The following PNPLA7 variants were observed in gnomAD, a reference collection of about 807,000 sequenced individuals.
PNPLA7 encodes patatin like domain 7, lysophospholipase.
In PNPLA7, 153 loss-of-function variants were observed where a neutral mutation model predicts 161.7. That is an observed-to-expected ratio of 0.95 (90% CI 0.83 to 1.08). The LOEUF is 1.08. Among genes scored for constraint, PNPLA7 ranks in the 50% least tolerant of loss-of-function variants. The probability of loss-of-function intolerance (pLI) is 0.00; values close to 1 mark genes in which losing one functional copy is unlikely to be tolerated. For missense variants in PNPLA7, 1,739 were observed against 1,856.6 expected (o/e 0.94, Z 1.16); for synonymous variants, 809 against 782.1 (o/e 1.03, Z -0.57).
chr9:137,500,621 C>T lies in PNPLA7; in HGVS notation c.1757+70G>A. 3 of 1,453,434 alleles carry T rather than the reference C, an allele frequency of 2.1e-6. No homozygotes were observed. Among genetic ancestry groups the T allele is most frequent in the Non-Finnish European group, 2.8e-6 (3 of 1,055,664 alleles). 90.0% of individuals were successfully genotyped at this position (1,453,434 alleles called of 1,614,324 possible). A position where few individuals can be genotyped will look rare whatever the true frequency, so the allele number is the denominator to read the frequency against. On this transcript the variant is annotated intron_variant, in intron 16 of 34. Transcript: ENST00000406427. The surrounding 1 kb of genome is among the most constrained non-coding windows in gnomAD (Gnocchi z 5.5). Reference sequence around the variant, plus strand: ...GGTGAGAGCACCAGGAAGAGGCCGGCCACGCGGGGAGGGGTCTCAGGGCAG... The same window carrying T: ...GGTGAGAGCACCAGGAAGAGGCCGGTCACGCGGGGAGGGGTCTCAGGGCAG...
In PNPLA7 at chr9:137,503,567, GGAAGGA is replaced by G. The variant is rs1181946486; in HGVS notation, c.1474-1846_1474-1841del. 3.8e-3 allele frequency among the ~76,000 whole-genome samples: 494 copies of G among 129,958 alleles called. 9 individuals carry two copies. Among genetic ancestry groups the G allele is most frequent in the African/African-American group, 7.0e-3 (250 of 35,630 alleles). The allele number at this position is 129,958 out of a possible 152,430, so 85.3% of individuals were successfully genotyped here. A position where few individuals can be genotyped will look rare whatever the true frequency, so the allele number is the denominator to read the frequency against. On this transcript the variant is annotated intron_variant, in intron 14 of 34. Transcript: ENST00000406427. ...GGAGAAGGAGGAGGGAGAAGGAGGA[GGAAGGA>G]GAAGGAGAAGGAGGAGGGAGAAGGA... is the stretch of plus-strand genomic sequence containing the variant.
chr9:137,535,159 A>G (rs374262862), intron 8 of PNPLA7, among the ~76,000 whole-genome samples: 3 of 152,068 alleles, frequency 2.0e-5, no homozygotes, highest in East Asian at 1.9e-4. Flanking sequence ...GCCTCAGGTG[A>G]GTGAAATTAC....
At chr9:137,484,358 A>T (rs946096871) in intron 21 of PNPLA7, among the ~76,000 whole-genome samples, 5 of 152,348 alleles carry the variant, frequency 3.3e-5, no homozygotes, top group Non-Finnish European at 7.3e-5. Flanking sequence ...TGTTGCAAAG[A>T]ATATAGAATA....
Position 137,490,272 on chromosome 9 carries a change from T to G in PNPLA7, c.2197+2741A>C, listed in dbSNP as rs1429315088. ...ACATGCCTGGATCATTTTTCAAATT[T>G]TATTCATAGAGACAGGGTCTCACTA... is the stretch of plus-strand genomic sequence containing the variant. On this transcript the variant is annotated intron_variant, in intron 20 of 34. Transcript: ENST00000406427. This position sits in a 1 kb window ranked among gnomAD's most constrained non-coding sequence, Gnocchi z 4.1. 6.6e-6 allele frequency among the ~76,000 whole-genome samples: 1 copy of G among 152,126 alleles called. No individual in the cohort carries two copies. The highest frequency in any genetic ancestry group is 1.5e-5 in the Non-Finnish European group (1 of 68,010).
intron 4 of PNPLA7, 78 bp downstream of exon 4, chr9:137,546,752 C>T (rs1043462539): frequency 4.4e-6 from 6 of 1,376,126 alleles, no homozygotes; most frequent in Non-Finnish European, 6.2e-6. Context: ...CTGGGGGAGC[C>T]CACAGCAGAA....
chr9:137,522,282 G>A (rs998847111), intron 9 of PNPLA7, among the ~76,000 whole-genome samples: 16 of 149,778 alleles, frequency 1.1e-4, no homozygotes, highest in African/African-American at 2.0e-4. Flanking sequence ...CACCGTGTGA[G>A]CCAGGATGGT....
chr9:137,489,514 C>A (rs1832667455), intron 20 of PNPLA7, among the ~76,000 whole-genome samples: 1 of 152,132 alleles, frequency 6.6e-6, no homozygotes, highest in Non-Finnish European at 1.5e-5. Flanking sequence ...AGGATCTGAA[C>A]CAGAGGAGTA....
intron 14 of PNPLA7, among the ~76,000 whole-genome samples, chr9:137,502,919 G>T (rs1441506745): frequency 6.6e-6 from 1 of 151,828 alleles, no homozygotes; most frequent in Non-Finnish European, 1.5e-5. Flanking sequence ...TATGATGATG[G>T]GATTTGCTTC....
At chr9:137,460,767 C>T (rs772007299) in intron 33 of PNPLA7, 30 bp from the exon 34 acceptor site, 28 of 1,591,190 alleles carry the variant, frequency 1.8e-5, no homozygotes, top group Admixed American at 6.8e-5. Context: ...TGCGTCAGTC[C>T]CCTCCCAAGG....
intron 29 of PNPLA7, 74 bp from the exon 30 acceptor site, chr9:137,462,907 T>G: frequency 6.3e-7 from 1 of 1,579,376 alleles, no homozygotes; most frequent in Non-Finnish European, 8.6e-7. Flanking sequence ...AGCCTGCCTC[T>G]CCGAGCCCTG....
chr9:137,512,950 G>A (rs1257952969), intron 12 of PNPLA7, among the ~76,000 whole-genome samples: 4 of 146,042 alleles, frequency 2.7e-5, no homozygotes, highest in African/African-American at 7.7e-5. Context: ...GCCACAGAAC[G>A]AGCCTCTGTC....
chr9:137,547,590 T>A lies in PNPLA7; in HGVS notation c.100A>T (p.Thr34Ser). The change falls in exon 2 of 35, where the codon ACC becomes TCC. Residue 34 changes from threonine (T) to serine (S), a missense_variant. Coordinates refer to ENST00000406427, the MANE Select transcript of PNPLA7 (RefSeq NM_001098537.3). This position sits in a 1 kb window ranked among gnomAD's most constrained non-coding sequence, Gnocchi z 4.6. ...LWFTEEGSPS[T>S]MLTGIAVGAL... ...GGGAAGCGTGAGGTGATTACCATGG[T>A]GGACGGTGAACCTTCCTCCGTGAAC... is the stretch of plus-strand genomic sequence containing the variant. 1 of 1,613,232 alleles carries A rather than the reference T, an allele frequency of 6.2e-7. No individual in the cohort carries two copies.
Position 137,462,706 on chromosome 9 carries a change from G to A in PNPLA7, c.3471C>T (p.Asn1157=), listed in dbSNP as rs1315838768. The A allele has an allele frequency of 6.2e-7, 1 of 1,613,894 alleles. No individual in the cohort carries two copies. Residue 1157 remains asparagine, a synonymous_variant, in exon 30 of 35, where the codon AAC becomes AAT. Transcript: ENST00000406427. ...CCACCTTGACTTTCGTGGCCAAGGGGTTCCAGCGTTTCCACAGCAGCCACC... is the reference window on the plus strand; with the variant it reads ...CCACCTTGACTTTCGTGGCCAAGGGATTCCAGCGTTTCCACAGCAGCCACC... The part of the protein sequence containing the change: ...SGWWLLWKRW[N]PLATKVKVLN...
intron 8 of PNPLA7, among the ~76,000 whole-genome samples, chr9:137,529,949 G>A (rs1048691802): frequency 1.3e-5 from 2 of 151,244 alleles, no homozygotes; most frequent in Non-Finnish European, 2.9e-5. Flanking sequence ...GTGAGCCACC[G>A]CGCCCAGCCT....
At chr9:137,501,287 C>G (rs1041079762) in intron 15 of PNPLA7, among the ~76,000 whole-genome samples, 2 of 152,196 alleles carry the variant, frequency 1.3e-5, no homozygotes, top group Non-Finnish European at 2.9e-5. Context: ...CACTGAGCCC[C>G]CGGCACACGC....
In PNPLA7 at chr9:137,537,790, G is replaced by A. The variant is rs941828101; in HGVS notation, c.747+2852C>T. On this transcript the variant is annotated intron_variant, in intron 8 of 34. Coordinates refer to ENST00000406427, the MANE Select transcript of PNPLA7 (RefSeq NM_001098537.3). This position sits in a 1 kb window ranked among gnomAD's most constrained non-coding sequence, Gnocchi z 4.5. ...AACAGGCATGGCTGCACTGTGATAA[G>A]TGAGGCCCAACCTGAATATCACAAC... is the stretch of plus-strand genomic sequence containing the variant. Among the ~76,000 whole-genome samples the A allele has an allele frequency of 4.6e-5, 7 of 152,180 alleles. No individual in the cohort carries two copies. The highest frequency in any genetic ancestry group is 2.0e-4 in the Admixed American group (3 of 15,286).
At chr9:137,469,205 A>G (rs372695409) in intron 25 of PNPLA7, among the ~76,000 whole-genome samples, 1 of 152,348 alleles carries the variant, frequency 6.6e-6, no homozygotes, top group Non-Finnish European at 1.5e-5. Flanking sequence ...AGCTGAAGAG[A>G]GAAATGGTAA....
chr9:137,544,755 T>G (rs1296247948), intron 4 of PNPLA7, among the ~76,000 whole-genome samples: 2 of 152,146 alleles, frequency 1.3e-5, no homozygotes, highest in Admixed American at 1.3e-4. Flanking sequence ...GCTCAAACAA[T>G]TCTCCTGCCT....
At chr9:137,521,824 C>T in intron 9 of PNPLA7, 108 bp from the exon 10 acceptor site, 1 of 872,238 alleles carries the variant, frequency 1.1e-6, no homozygotes, top group Non-Finnish European at 1.7e-6. Context: ...CCTGCAGATG[C>T]CACAGACCGA....
Sources: gnomAD v4.1 joint callset for allele counts (sites outside exome capture counted in the v4.1 genomes callset) on GRCh38, gnomAD v4.1.1 for gene constraint, Gnocchi (gnomAD v3.1) non-coding constraint, MANE v1.5 for transcripts, NCBI Gene and HGNC (gene_info 2026-07-23, HGNC 2026-07-21) for gene names.